The following SOX5 variants were observed in gnomAD, a reference collection of about 807,000 sequenced individuals.
SOX5 encodes the protein SRY-box transcription factor 5.
In SOX5, 9 loss-of-function variants were observed where a neutral mutation model predicts 92.0. The ratio of observed to expected loss-of-function variants is 0.10; its 90% CI spans 0.06 to 0.17. SOX5 has a LOEUF of 0.17. Among genes scored for constraint, SOX5 ranks in the 10% least tolerant of loss-of-function variants. The pLI is 1.00. For synonymous variants in SOX5, 344 were observed against 336.3 expected (o/e 1.02, Z -0.25); for missense variants, 642 against 944.5 (o/e 0.68, Z 4.20).
At chr12:24,421,130 T>C (rs1269407705) in intron 1 of SOX5, among the ~76,000 whole-genome samples, 4 of 152,314 alleles carry the variant, frequency 2.6e-5, no homozygotes, top group East Asian at 1.9e-4. Flanking sequence ...AGAATTATTA[T>C]GGTGAAAGTT....
At chr12:24,128,665 G>C (rs1270715674) in intron 4 of SOX5, among the ~76,000 whole-genome samples, 1 of 152,184 alleles carries the variant, frequency 6.6e-6, no homozygotes, top group African/African-American at 2.4e-5. Flanking sequence ...AAATGGAAGT[G>C]ACAGAGGTAA....
At chr12:24,161,737 G>T (rs939084967) in intron 4 of SOX5, among the ~76,000 whole-genome samples, 13 of 152,074 alleles carry the variant, frequency 8.5e-5, no homozygotes, top group African/African-American at 3.1e-4. Context: ...AACTGATAAA[G>T]ATTAACAAAG....
intron 4 of SOX5, among the ~76,000 whole-genome samples, chr12:24,115,256 CA>C (rs1379276075): frequency 6.6e-6 from 1 of 152,076 alleles, no homozygotes; most frequent in Non-Finnish European, 1.5e-5. Flanking sequence ...AAAAAAGAAA[CA>C]AAATACCGAT....
chr12:24,382,302 A>G (rs1260025181), intron 1 of SOX5, among the ~76,000 whole-genome samples: 1 of 152,190 alleles, frequency 6.6e-6, no homozygotes, highest in Non-Finnish European at 1.5e-5. Context: ...AGAGACCACC[A>G]CAGGCTGAAG....
intron 3 of SOX5, among the ~76,000 whole-genome samples, chr12:24,261,637 T>C (rs1332178111): frequency 6.6e-6 from 1 of 152,158 alleles, no homozygotes; most frequent in East Asian, 1.9e-4. Context: ...GATTAGCAGG[T>C]GGAATTTAAT....
At chr12:24,146,140 T>C (rs1208499966) in intron 4 of SOX5, among the ~76,000 whole-genome samples, 2 of 152,264 alleles carry the variant, frequency 1.3e-5, no homozygotes, top group Non-Finnish European at 2.9e-5. Context: ...CATTTTGAAC[T>C]AACTGGCATT....
At chr12:24,151,825 CTT>C (rs1951684603) in intron 4 of SOX5, among the ~76,000 whole-genome samples, 2 of 151,778 alleles carry the variant, frequency 1.3e-5, no homozygotes, top group East Asian at 1.9e-4. Flanking sequence ...GTCTCTCTCT[CTT>C]GAAAGTGAGT....
rs557646980 is a variant in SOX5, at chr12:24,173,192, A to G, written c.-2+40151T>C. ...CGCACATGTGTACACTTGAGTTTTG[A>G]GCCATAAATCTTGCAAACTCTGTCA... On this transcript the variant is annotated intron_variant, in intron 4 of 4. Transcript: ENST00000446891. Among the ~76,000 whole-genome samples the G allele has an allele frequency of 2.0e-5, 3 of 152,314 alleles. No individual in the cohort carries two copies. The South Asian group carries it at 6.2e-4, about 32-fold the overall frequency.
At chr12:23,672,161 G>A (rs951453242) in intron 6 of SOX5, among the ~76,000 whole-genome samples, 1 of 151,868 alleles carries the variant, frequency 6.6e-6, no homozygotes, top group Non-Finnish European at 1.5e-5. Context: ...TTGTCCCATT[G>A]CAAGTGCTAA....
At chr12:23,829,208 C>T in intron 3 of SOX5, among the ~76,000 whole-genome samples, 1 of 152,108 alleles carries the variant, frequency 6.6e-6, no homozygotes. Flanking sequence ...TCATGTTAAA[C>T]ACACAGCCAC....
At chr12:24,131,398 G>A (rs939786192) in intron 4 of SOX5, among the ~76,000 whole-genome samples, 16 of 152,192 alleles carry the variant, frequency 1.1e-4, no homozygotes, top group Middle Eastern at 3.4e-3. Context: ...AGTTCCTAGC[G>A]GGCAAGAGAT....
chr12:23,782,758 G>T (rs567209931), intron 3 of SOX5, among the ~76,000 whole-genome samples: 1 of 152,114 alleles, frequency 6.6e-6, no homozygotes, highest in African/African-American at 2.4e-5. Flanking sequence ...AAGTGCTTCA[G>T]TATTCCGAAC....
intron 4 of SOX5, among the ~76,000 whole-genome samples, chr12:24,123,906 C>A (rs1948862451): frequency 6.6e-6 from 1 of 152,196 alleles, no homozygotes; most frequent in South Asian, 2.1e-4. Context: ...CGATCCCAAT[C>A]TCACTCACTC....
At chr12:24,450,116 G>A (rs1942055426) in intron 1 of SOX5, among the ~76,000 whole-genome samples, 2 of 152,142 alleles carry the variant, frequency 1.3e-5, no homozygotes, top group South Asian at 2.1e-4. Context: ...CCCAAAATTT[G>A]TTCCTTAGAA....
At chr12:24,540,834 A>T (rs764890792) in intron 1 of SOX5, among the ~76,000 whole-genome samples, 23 of 152,182 alleles carry the variant, frequency 1.5e-4, no homozygotes, top group Non-Finnish European at 7.4e-5. Flanking sequence ...GTACTTTGCA[A>T]TCATACCCTG....
At chr12:24,174,022 C>T (rs1954511503) in intron 4 of SOX5, among the ~76,000 whole-genome samples, 1 of 151,126 alleles carries the variant, frequency 6.6e-6, no homozygotes, top group African/African-American at 2.4e-5. Flanking sequence ...TTTTCTGAGA[C>T]AGTCTCACTG....
intron 3 of SOX5, among the ~76,000 whole-genome samples, chr12:23,827,400 G>A (rs1455932543): frequency 6.6e-6 from 1 of 152,056 alleles, no homozygotes; most frequent in Non-Finnish European, 1.5e-5. Context: ...ACAAACAAAA[G>A]GATAAAGTTC....
At chr12:23,926,903 C>A (rs573121450) in intron 1 of SOX5, among the ~76,000 whole-genome samples, 1 of 152,100 alleles carries the variant, frequency 6.6e-6, no homozygotes, top group South Asian at 2.1e-4. Context: ...TCCCAGAGGA[C>A]TTAAAATCCA....
intron 4 of SOX5, among the ~76,000 whole-genome samples, chr12:24,102,222 C>G (rs533502663): frequency 7.9e-5 from 12 of 152,222 alleles, no homozygotes; most frequent in African/African-American, 2.9e-4. Context: ...CAAATTGTGT[C>G]TTTTAACAGC....
Sources: gnomAD v4.1 joint callset for allele counts (sites outside exome capture counted in the v4.1 genomes callset) on GRCh38, gnomAD v4.1.1 for gene constraint, MANE v1.5 for transcripts, NCBI Gene and HGNC (gene_info 2026-07-23, HGNC 2026-07-21) for gene names.